The following CCDC73 variants were observed in gnomAD, a reference collection of about 807,000 sequenced individuals.
The protein encoded by CCDC73 is coiled-coil domain containing 73, also known as coiled-coil domain-containing protein 73.
CCDC73 carries 95 observed loss-of-function variants against 116.5 expected under a neutral mutation model. The ratio of observed to expected loss-of-function variants is 0.82; its 90% CI spans 0.69 to 0.97. CCDC73 has a LOEUF of 0.97. Among genes scored for constraint, CCDC73 ranks in the 50% least tolerant of loss-of-function variants. The pLI, the probability that CCDC73 is intolerant of heterozygous loss-of-function variation, is 0.00. For synonymous variants in CCDC73, 398 were observed against 401.3 expected, an observed-to-expected ratio of 0.99 and a Z score of 0.10; for missense variants, 1,066 against 1,206.8, an observed-to-expected ratio of 0.88 and a Z score of 1.73.
At chr11:32,809,551 C>T in the CCDC73 span, among the ~76,000 whole-genome samples, 1 of 152,152 alleles carries the variant, frequency 6.6e-6, no homozygotes, top group Non-Finnish European at 1.5e-5. Flanking sequence ...GATAATGTGC[C>T]CTTACCCTTG....
intron 9 of CCDC73, among the ~76,000 whole-genome samples, chr11:32,659,791 T>C (rs1333485521): frequency 6.6e-6 from 1 of 152,150 alleles, no homozygotes; most frequent in Non-Finnish European, 1.5e-5. Flanking sequence ...TCGATATAGT[T>C]CAATATAGAC....
At chr11:32,650,081 T>C (rs1855812958) in intron 12 of CCDC73, among the ~76,000 whole-genome samples, 1 of 152,190 alleles carries the variant, frequency 6.6e-6, no homozygotes, top group African/African-American at 2.4e-5. Flanking sequence ...TAGTCACCAT[T>C]AACTCAGAGA....
intron 7 of CCDC73, among the ~76,000 whole-genome samples, chr11:32,678,806 C>T (rs1184981975): frequency 2.0e-5 from 3 of 151,446 alleles, no homozygotes; most frequent in African/African-American, 7.3e-5. Context: ...TCACTTAAAT[C>T]CAGGAGGCAG....
At chr11:32,603,275 ATGC>A in intron 17 of CCDC73, 1 of 344,208 alleles carries the variant, frequency 2.9e-6, no homozygotes, top group Non-Finnish European at 5.2e-6. Context: ...GTTTCCTCCC[ATGC>A]TTCAGAACAC....
At chr11:32,711,836 T>G (rs994794178) in intron 3 of CCDC73, among the ~76,000 whole-genome samples, 4 of 152,178 alleles carry the variant, frequency 2.6e-5, no homozygotes, top group African/African-American at 9.6e-5. Context: ...TACCTATTTG[T>G]ACCTCAGCAG....
At chr11:32,648,592 C>T (rs1049437839) in intron 12 of CCDC73, among the ~76,000 whole-genome samples, 1 of 150,768 alleles carries the variant, frequency 6.6e-6, no homozygotes, top group African/African-American at 2.4e-5. Context: ...ACTCTTGTTG[C>T]CCAGGCTGGA....
intron 1 of CCDC73, among the ~76,000 whole-genome samples, chr11:32,778,237 G>A (rs1850553911): frequency 6.6e-6 from 1 of 152,172 alleles, no homozygotes. Flanking sequence ...TACTGAGTCA[G>A]AAAATGGGGT....
rs771837421 is a variant in CCDC73 at position 32,697,481 on chromosome 11, CTTTT to C, written c.390+1766_390+1769del. On this transcript the variant is annotated intron_variant, in intron 6 of 17. Coordinates refer to ENST00000335185, the MANE Select transcript of CCDC73 (RefSeq NM_001008391.4). ...CACTTGGTTGTTATATCTCTTTATT[CTTTT>C]TTTTTTTTTTTTTTTTGAGATGGAG... Among the ~76,000 whole-genome samples, 10 of 108,800 alleles carry C rather than the reference CTTTT, an allele frequency of 9.2e-5. No individual in the cohort carries two copies. The Admixed American group carries it at 1.1e-3, about 12-fold the overall frequency. 71.4% of individuals were successfully genotyped at this position (108,800 alleles called of 152,430 possible). A position where few individuals can be genotyped will look rare whatever the true frequency, so the allele number is the denominator to read the frequency against.
At chr11:32,720,829 A>G (rs1849983562) in intron 2 of CCDC73, among the ~76,000 whole-genome samples, 2 of 152,280 alleles carry the variant, frequency 1.3e-5, no homozygotes, top group Middle Eastern at 3.4e-3. Flanking sequence ...TTGCCTGGGA[A>G]GAGGCATGAG....
At chr11:32,722,859 T>C (rs1590613429) in intron 2 of CCDC73, among the ~76,000 whole-genome samples, 1 of 152,174 alleles carries the variant, frequency 6.6e-6, no homozygotes, top group Non-Finnish European at 1.5e-5. Flanking sequence ...ATGAGGTAGG[T>C]TCTCTTACTA....
chr11:32,615,942 T>G lies in CCDC73; in HGVS notation c.1373A>C (p.Asp458Ala). The change falls in exon 15 of 18, where the codon GAT (aspartate) becomes GCT (alanine). Residue 458 changes from aspartate to alanine, a missense_variant and splice_region_variant. Transcript: ENST00000335185. ...EGSFIEEIII[D>A]DLQLFEKSFK... ...TATCAATATAATTTTAAGGTTACCA[T>G]CTATAATTATTTCCTCTATAAATGA... The G allele has an allele frequency of 6.5e-7, 1 of 1,542,816 alleles. No individual in the cohort carries two copies. Among genetic ancestry groups the G allele is most frequent in the Non-Finnish European group, 8.9e-7 (1 of 1,129,522 alleles).
chr11:32,810,377 A>T, the CCDC73 span, among the ~76,000 whole-genome samples: 1 of 152,224 alleles, frequency 6.6e-6, no homozygotes, highest in Non-Finnish European at 1.5e-5. Flanking sequence ...ACTCATTGGA[A>T]TAACTGAACT....
At chr11:32,791,526 G>A (rs1241850018) in intron 1 of CCDC73, among the ~76,000 whole-genome samples, 2 of 152,146 alleles carry the variant, frequency 1.3e-5, no homozygotes, top group Admixed American at 6.5e-5. Context: ...TAATTCATAA[G>A]ACAAGCTAAT....
chr11:32,659,834 G>A (rs764790407), intron 9 of CCDC73, among the ~76,000 whole-genome samples: 1 of 151,938 alleles, frequency 6.6e-6, no homozygotes, highest in Non-Finnish European at 1.5e-5. Context: ...TTCCATTCTT[G>A]GGCCTCTTCC....
the CCDC73 span, among the ~76,000 whole-genome samples, chr11:32,828,768 T>C: frequency 1.3e-5 from 2 of 152,214 alleles, no homozygotes; most frequent in African/African-American, 4.8e-5. Context: ...CAAAGAGCTT[T>C]CACTTATGTG....
chr11:32,776,692 C>A (rs1300843438), intron 1 of CCDC73, among the ~76,000 whole-genome samples: 1 of 151,878 alleles, frequency 6.6e-6, no homozygotes, highest in African/African-American at 2.4e-5. Context: ...TATAGTTTAA[C>A]AAGAATTCTC....
chr11:32,784,490 T>A (rs892892521), intron 1 of CCDC73, among the ~76,000 whole-genome samples: 1 of 152,192 alleles, frequency 6.6e-6, no homozygotes, highest in Non-Finnish European at 1.5e-5. Context: ...TTATGGAGGA[T>A]GTGAAGAAGG....
Position 32,653,223 on chromosome 11 carries a change from A to G in CCDC73, c.839T>C (p.Ile280Thr). 1 of 1,597,258 alleles carries G rather than the reference A, an allele frequency of 6.3e-7. No homozygotes were observed. The highest frequency in any genetic ancestry group is 8.6e-7 in the Non-Finnish European group (1 of 1,167,042). The change falls in exon 12 of 18, where the codon ATC becomes ACC. Residue 280 changes from isoleucine (I) to threonine (T), a missense_variant. By Grantham distance (89) the Ile-to-Thr change is moderately conservative. Coordinates refer to ENST00000335185, the MANE Select transcript of CCDC73 (RefSeq NM_001008391.4). ...ITHIQEEKQD[I>T]IISFQHMQQL... ...CTGCATATGTTGGAAAGAAATGATG[A>G]TATCCTTTGAAAATACACAAATATA... is the stretch of plus-strand genomic sequence containing the variant.
At chr11:32,748,598 T>TTA (rs1461780577) in intron 2 of CCDC73, among the ~76,000 whole-genome samples, 5 of 152,324 alleles carry the variant, frequency 3.3e-5, no homozygotes, top group East Asian at 1.9e-4. Flanking sequence ...CACATCACAC[T>TTA]TACAGTGTTA....
Sources: gnomAD v4.1 joint callset for allele counts (sites outside exome capture counted in the v4.1 genomes callset) on GRCh38, gnomAD v4.1.1 for gene constraint, MANE v1.5 for transcripts, NCBI Gene and HGNC (gene_info 2026-07-23, HGNC 2026-07-21) for gene names.